The following LRRC69 variants were observed in gnomAD, a reference collection of about 807,000 sequenced individuals.
LRRC69 encodes the protein leucine rich repeat containing 69.
In LRRC69, 42 loss-of-function variants were observed where a neutral mutation model predicts 37.8. The observed-to-expected ratio is 1.11, with a 90% CI of 0.87 to 1.44. The LOEUF (loss-of-function observed/expected upper bound fraction) is 1.44, where lower values mean the gene tolerates loss of function less well. Among genes scored for constraint, LRRC69 ranks in the 40% most tolerant of loss-of-function variants. LRRC69 has a pLI of 0.00. For missense variants in LRRC69, 357 were observed against 401.9 expected, an observed-to-expected ratio of 0.89 and a Z score of 0.96; for synonymous variants, 141 against 143.1, an observed-to-expected ratio of 0.99 and a Z score of 0.11.
intron 3 of LRRC69, among the ~76,000 whole-genome samples, chr8:91,127,552 T>G (rs913416976): frequency 8.0e-6 from 1 of 125,208 alleles, no homozygotes; most frequent in African/African-American, 3.1e-5. Context: ...GATTTAAAAC[T>G]GCAATGTCAT....
intron 5 of LRRC69, among the ~76,000 whole-genome samples, chr8:91,178,407 A>C (rs1809272167): frequency 6.6e-6 from 1 of 152,072 alleles, no homozygotes; most frequent in Non-Finnish European, 1.5e-5. Context: ...ATTAACTTAG[A>C]TGACTTTCTT....
chr8:91,153,801 G>A (rs1310405945), intron 5 of LRRC69, among the ~76,000 whole-genome samples: 1 of 151,838 alleles, frequency 6.6e-6, no homozygotes, highest in African/African-American at 2.4e-5. Context: ...ACAACTAAAA[G>A]AACTAGAGAA....
chr8:91,197,795 AC>A lies in LRRC69; in HGVS notation c.754-2815del, dbSNP rs1192649943. 1.4e-4 allele frequency among the ~76,000 whole-genome samples: 21 copies of A among 144,902 alleles called. No individual in the cohort carries two copies. The East Asian group carries it at 3.7e-3, about 26-fold the overall frequency. On this transcript the variant is annotated intron_variant, in intron 6 of 7. Coordinates refer to ENST00000448384, the Ensembl canonical transcript of LRRC69. ...TACCTCAGATGGAAATGCAGAAATCACCCGTCTTCTGTGTCGCTCACGGTGG... is the reference window on the plus strand; with the variant it reads ...TACCTCAGATGGAAATGCAGAAATCACCGTCTTCTGTGTCGCTCACGGTGG...
At chr8:91,204,784 A>G (rs1448225213) in intron 7 of LRRC69, among the ~76,000 whole-genome samples, 1 of 152,236 alleles carries the variant, frequency 6.6e-6, no homozygotes, top group Non-Finnish European at 1.5e-5. Flanking sequence ...AGGTTCAGAG[A>G]TACATTATCT....
At chr8:91,121,825 T>C (rs926711094) in intron 1 of LRRC69, among the ~76,000 whole-genome samples, 7 of 152,080 alleles carry the variant, frequency 4.6e-5, no homozygotes, top group Non-Finnish European at 8.8e-5. Context: ...ATGTATTCAC[T>C]TAGAATATGT....
At chr8:91,174,227 C>T (rs1224295041) in intron 5 of LRRC69, among the ~76,000 whole-genome samples, 3 of 151,968 alleles carry the variant, frequency 2.0e-5, no homozygotes, top group Non-Finnish European at 4.4e-5. Flanking sequence ...GCCTGTAAGT[C>T]CAGTGCTTTG....
At position 91,118,523 on chromosome 8, in the gene LRRC69, T is replaced by C. The variant is rs1409152500; in HGVS notation, c.184-5970T>C. 6 of 256,034 alleles carry C rather than the reference T, an allele frequency of 2.3e-5. No individual in the cohort carries two copies. In the East Asian group the frequency reaches 5.0e-4, roughly 22 times the overall value. 15.9% of individuals were successfully genotyped at this position (256,034 alleles called of 1,614,324 possible). A position where few individuals can be genotyped will look rare whatever the true frequency, so the allele number is the denominator to read the frequency against. ...CAGCCTGGGTGACAGAGTGAGACTG[T>C]CTCAAAAGGAAAAAAAAATTCTTCT... On this transcript the variant is annotated intron_variant, in intron 1 of 7. Transcript: ENST00000448384.
At chr8:91,156,282 G>C (rs527968499) in intron 5 of LRRC69, among the ~76,000 whole-genome samples, 7 of 150,932 alleles carry the variant, frequency 4.6e-5, no homozygotes, top group African/African-American at 1.7e-4. Flanking sequence ...GATGAGATAT[G>C]TCTTACTGTG....
At chr8:91,211,626 T>A (rs893575663) in intron 7 of LRRC69, among the ~76,000 whole-genome samples, 11 of 147,852 alleles carry the variant, frequency 7.4e-5, no homozygotes, top group Admixed American at 2.0e-4. Flanking sequence ...ATTTTTTTTT[T>A]ATTTTTTTTG....
At chr8:91,209,837 A>C (rs1008777707) in intron 7 of LRRC69, among the ~76,000 whole-genome samples, 2 of 152,246 alleles carry the variant, frequency 1.3e-5, no homozygotes, top group African/African-American at 4.8e-5. Flanking sequence ...GGTTTTAAAC[A>C]ACTAGAAGAT....
chr8:91,156,891 T>A (rs1808845400), intron 5 of LRRC69, among the ~76,000 whole-genome samples: 2 of 151,224 alleles, frequency 1.3e-5, no homozygotes, highest in African/African-American at 4.8e-5. Context: ...TTTCAGTGTA[T>A]GTTCCTGGCA....
At chr8:91,135,635 T>A (rs768377267) in intron 4 of LRRC69, 33 bp from the exon 5 acceptor site, 2 of 1,306,892 alleles carry the variant, frequency 1.5e-6, no homozygotes, top group East Asian at 5.7e-5. Context: ...ATATTAGATT[T>A]AAAAAATCTC....
intron 5 of LRRC69, among the ~76,000 whole-genome samples, chr8:91,175,169 T>C (rs972898211): frequency 2.6e-5 from 4 of 151,478 alleles, no homozygotes; most frequent in Admixed American, 2.6e-4. Context: ...CAGGGAGGAG[T>C]AGGGAAAATC....
intron 7 of LRRC69, among the ~76,000 whole-genome samples, chr8:91,202,366 T>C (rs1272816777): frequency 6.6e-6 from 1 of 152,194 alleles, no homozygotes; most frequent in Non-Finnish European, 1.5e-5. Flanking sequence ...AAGGTGACTT[T>C]TGGGGGCACT....
chr8:91,152,801 C>T (rs1314489549), intron 5 of LRRC69, among the ~76,000 whole-genome samples: 1 of 151,024 alleles, frequency 6.6e-6, no homozygotes. Context: ...TCTCTTATTT[C>T]CTTGAGCAGT....
intron 5 of LRRC69, among the ~76,000 whole-genome samples, chr8:91,149,167 G>A (rs936844174): frequency 6.6e-6 from 1 of 151,952 alleles, no homozygotes; most frequent in African/African-American, 2.4e-5. Context: ...CCATGCCCAT[G>A]TCCTGAATGG....
intron 1 of LRRC69, among the ~76,000 whole-genome samples, chr8:91,108,788 T>G (rs548638139): frequency 6.6e-6 from 1 of 152,022 alleles, no homozygotes; most frequent in Non-Finnish European, 1.5e-5. Context: ...ATTTCATGTG[T>G]GGCCCAAGAT....
At chr8:91,159,190 G>A (rs1016987150) in intron 5 of LRRC69, among the ~76,000 whole-genome samples, 6 of 151,356 alleles carry the variant, frequency 4.0e-5, no homozygotes, top group Non-Finnish European at 7.4e-5. Flanking sequence ...AATGGGCAAG[G>A]TATGAGGGAA....
At chr8:91,124,538 G>A in exon 2 of LRRC69, 1 of 1,541,006 alleles carries the variant, frequency 6.5e-7, no homozygotes, top group Non-Finnish European at 8.8e-7. Context: ...AGAAGTTCCG[G>A]AAGAGATGAA....
Sources: gnomAD v4.1 joint callset for allele counts (sites outside exome capture counted in the v4.1 genomes callset) on GRCh38, gnomAD v4.1.1 for gene constraint, MANE v1.5 for transcripts, NCBI Gene and HGNC (gene_info 2026-07-23, HGNC 2026-07-21) for gene names.